NAALADL2: variants seen among roughly 807,000 people sequenced by gnomAD.
NAALADL2 encodes N-acetylated alpha-linked acidic dipeptidase like 2, also known as inactive N-acetylated-alpha-linked acidic dipeptidase-like protein 2.
A neutral mutation model predicts 87.2 loss-of-function variants in NAALADL2; 76 were observed. The observed-to-expected ratio is 0.87, with a 90% CI of 0.72 to 1.05. NAALADL2 has a LOEUF of 1.05. Ranked by LOEUF, NAALADL2 falls within the 50% of genes least tolerant of loss-of-function variation. NAALADL2 has a pLI of 0.00. For missense variants in NAALADL2, 1,089 were observed against 945.8 expected (o/e 1.15, Z -1.99); for synonymous variants, 354 against 331.0 (o/e 1.07, Z -0.75).
chr3:175,796,752 C>T (rs1753545189), intron 13 of NAALADL2, among the ~76,000 whole-genome samples: 1 of 152,148 alleles, frequency 6.6e-6, no homozygotes, highest in Non-Finnish European at 1.5e-5. Context: ...AGTGTGATTT[C>T]ATTTAGGAGT....
intron 3 of NAALADL2, among the ~76,000 whole-genome samples, chr3:174,769,703 T>C (rs1192908961): frequency 9.5e-6 from 1 of 105,726 alleles, no homozygotes; most frequent in Admixed American, 9.1e-5. Context: ...TCCAGTAACA[T>C]ATTTTTTTTC....
At chr3:175,368,562 G>GGTGTGT (rs201958182) in intron 5 of NAALADL2, among the ~76,000 whole-genome samples, 6,176 of 147,068 alleles carry the variant, frequency 0.042, 152 homozygotes, top group Non-Finnish European at 0.057. Flanking sequence ...GACTGTAGCA[G>GGTGTGT]GTGTGTGTGA....
intron 1 of NAALADL2, among the ~76,000 whole-genome samples, chr3:174,534,860 T>G (rs550519891): frequency 1.3e-5 from 2 of 152,310 alleles, no homozygotes; most frequent in East Asian, 3.9e-4. Context: ...CAGTGTTTTT[T>G]GGAGAAAAAT....
At chr3:174,868,343 C>T (rs1468073026) in intron 1 of NAALADL2, among the ~76,000 whole-genome samples, 1 of 152,030 alleles carries the variant, frequency 6.6e-6, no homozygotes, top group Non-Finnish European at 1.5e-5. Context: ...TAGTGATGTG[C>T]TTATTTATAT....
At chr3:174,664,532 C>A (rs1725790974) in intron 2 of NAALADL2, among the ~76,000 whole-genome samples, 1 of 152,060 alleles carries the variant, frequency 6.6e-6, no homozygotes, top group African/African-American at 2.4e-5. Context: ...ATAAATATTT[C>A]ATTCTTTGAC....
intron 3 of NAALADL2, among the ~76,000 whole-genome samples, chr3:175,255,084 C>A (rs1324932023): frequency 6.6e-6 from 1 of 152,064 alleles, no homozygotes; most frequent in East Asian, 1.9e-4. Flanking sequence ...CTAGTGAGGG[C>A]CTTAAGAGAG....
intron 1 of NAALADL2, among the ~76,000 whole-genome samples, chr3:174,987,583 A>T (rs1383425528): frequency 8.1e-6 from 1 of 122,912 alleles, no homozygotes; most frequent in African/African-American, 4.4e-5. Flanking sequence ...AAAAAAAAAA[A>T]AAAAAAAAAA....
intron 1 of NAALADL2, among the ~76,000 whole-genome samples, chr3:174,997,608 T>C (rs111710489): frequency 0.024 from 3,711 of 152,148 alleles, 145 homozygotes; most frequent in African/African-American, 0.084. Flanking sequence ...GTGGATCACC[T>C]GAGATCAGGG....
At chr3:175,415,323 TG>T (rs1475652720) in intron 5 of NAALADL2, among the ~76,000 whole-genome samples, 1 of 152,170 alleles carries the variant, frequency 6.6e-6, no homozygotes, top group African/African-American at 2.4e-5. Context: ...ATATTTTCCA[TG>T]TATGTTATAT....
chr3:174,483,137 G>C (rs186318711), intron 1 of NAALADL2, among the ~76,000 whole-genome samples: 3 of 152,082 alleles, frequency 2.0e-5, no homozygotes, highest in East Asian at 3.9e-4. Flanking sequence ...GGTAACTAAG[G>C]GTAGAAGGTT....
chr3:174,874,802 G>A (rs776528386), intron 1 of NAALADL2, among the ~76,000 whole-genome samples: 1 of 151,990 alleles, frequency 6.6e-6, no homozygotes, highest in Non-Finnish European at 1.5e-5. Context: ...AACTCATTAA[G>A]CTGCCAGGAC....
intron 13 of NAALADL2, among the ~76,000 whole-genome samples, chr3:175,781,955 G>A (rs1751180260): frequency 6.7e-6 from 1 of 150,278 alleles, no homozygotes; most frequent in Admixed American, 6.7e-5. Flanking sequence ...AATATGCAGT[G>A]TTTGGTTTTT....
chr3:175,799,127 C>T (rs1426822139), intron 13 of NAALADL2, among the ~76,000 whole-genome samples: 2 of 151,912 alleles, frequency 1.3e-5, no homozygotes, highest in Non-Finnish European at 2.9e-5. Flanking sequence ...ATGTTTGATA[C>T]AATTTTAAAA....
intron 2 of NAALADL2, among the ~76,000 whole-genome samples, chr3:174,688,674 C>T (rs902093339): frequency 4.6e-5 from 7 of 150,890 alleles, no homozygotes; most frequent in Admixed American, 2.0e-4. Flanking sequence ...TATGTTGTAG[C>T]GATTCAACTT....
At chr3:175,365,678 T>G (rs868570732) in intron 5 of NAALADL2, among the ~76,000 whole-genome samples, 1 of 147,118 alleles carries the variant, frequency 6.8e-6, no homozygotes, top group African/African-American at 2.5e-5. Context: ...TGTGATGAGA[T>G]GGAACATTTG....
intron 3 of NAALADL2, among the ~76,000 whole-genome samples, chr3:174,745,011 G>A (rs1296434509): frequency 1.3e-5 from 2 of 151,820 alleles, no homozygotes; most frequent in Non-Finnish European, 2.9e-5. Context: ...ATCTCAAATC[G>A]CCATCCTAAC....
intron 5 of NAALADL2, among the ~76,000 whole-genome samples, chr3:175,329,899 C>T (rs1761193385): frequency 6.6e-6 from 1 of 151,922 alleles, no homozygotes; most frequent in African/African-American, 2.4e-5. Context: ...TTCTCTTGGC[C>T]CCACAGAGGG....
intron 9 of NAALADL2, among the ~76,000 whole-genome samples, chr3:175,568,188 TC>T (rs1415217348): frequency 6.6e-6 from 1 of 152,124 alleles, no homozygotes; most frequent in Non-Finnish European, 1.5e-5. Context: ...TAGAATAACT[TC>T]TAGTATAAAA....
chr3:174,973,451 G>A (rs561157596), intron 1 of NAALADL2, among the ~76,000 whole-genome samples: 3 of 151,876 alleles, frequency 2.0e-5, no homozygotes, highest in African/African-American at 7.2e-5. Flanking sequence ...ATTTTTATGT[G>A]GTTATTTTAT....
Sources: gnomAD v4.1 joint callset for allele counts (sites outside exome capture counted in the v4.1 genomes callset) on GRCh38, gnomAD v4.1.1 for gene constraint, MANE v1.5 for transcripts, NCBI Gene and HGNC (gene_info 2026-07-23, HGNC 2026-07-21) for gene names.